Variants in WDFY4 observed in about 807,000 individuals in gnomAD.
The protein encoded by WDFY4 is WD repeat- and FYVE domain-containing protein 4.
In WDFY4, 169 loss-of-function variants were observed where a neutral mutation model predicts 351.9. That is an observed-to-expected ratio of 0.48 (90% CI 0.42 to 0.55). The LOEUF (loss-of-function observed/expected upper bound fraction) is 0.55, where lower values mean the gene tolerates loss of function less well. Among genes scored for constraint, WDFY4 ranks in the 20% least tolerant of loss-of-function variants. WDFY4 has a pLI of 0.00. For synonymous variants in WDFY4, 1,622 were observed against 1,574.6 expected (o/e 1.03, Z -0.71); for missense variants, 3,803 against 3,935.6 (o/e 0.97, Z 0.90).
Position 48,853,720 on chromosome 10 carries a change from C to T in WDFY4, c.6664-13545C>T, listed in dbSNP as rs148748791. Among the ~76,000 whole-genome samples, 29 of 152,362 alleles carry T rather than the reference C, an allele frequency of 1.9e-4. 1 individual carries two copies. The East Asian group carries it at 5.6e-3, about 29-fold the overall frequency. On this transcript the variant is annotated intron_variant, in intron 39 of 61. Coordinates refer to ENST00000325239, the MANE Select transcript of WDFY4 (RefSeq NM_001394531.1). ...CTCATTAAAGATTCAGCTAAAGCAA[C>T]ATCTCAACCTTCTGAACACTGGGTC...
At chr10:48,802,298 C>A (rs1038166009) in intron 24 of WDFY4, among the ~76,000 whole-genome samples, 1 of 152,152 alleles carries the variant, frequency 6.6e-6, no homozygotes, top group African/African-American at 2.4e-5. Context: ...ATTGCTTGAG[C>A]CCAGGAAGTC....
At chr10:48,959,868 G>A in intron 53 of WDFY4, 55 bp downstream of exon 53, 1 of 1,478,242 alleles carries the variant, frequency 6.8e-7, no homozygotes, top group Non-Finnish European at 9.2e-7. Context: ...ATCCCCTCAA[G>A]TTCCACCGAG....
Position 48,957,141 on chromosome 10 carries a change from G to A in WDFY4, c.7990G>A (p.Asp2664Asn), listed in dbSNP as rs754206260. The change falls in exon 52 of 62, where the codon GAC becomes AAC. Residue 2664 changes from aspartate to asparagine, a missense_variant. Physicochemically the swap from Asp to Asn is conservative, Grantham distance 23 (BLOSUM62 1). Coordinates refer to ENST00000325239, the MANE Select transcript of WDFY4 (RefSeq NM_001394531.1). ...CCATTTCCCCCAGGGCGGAAGCTTC[G>A]ACGTGGCAGACAGAATGTTCCACAG... ...AFCALQGGSF[D>N]VADRMFHSVK... is the part of the protein sequence containing the mutation. 12 of 1,549,928 alleles carry A rather than the reference G, an allele frequency of 7.7e-6. No individual in the cohort carries two copies. The highest frequency in any genetic ancestry group is 3.6e-5 in the South Asian group (3 of 84,028).
chr10:48,837,552 G>A (rs565687768), intron 39 of WDFY4, among the ~76,000 whole-genome samples: 5 of 152,154 alleles, frequency 3.3e-5, no homozygotes, highest in Admixed American at 6.5e-5. Flanking sequence ...AGTGAACAGC[G>A]ATAACACACA....
chr10:48,813,519 C>T (rs1230829270), intron 30 of WDFY4, among the ~76,000 whole-genome samples: 1 of 152,096 alleles, frequency 6.6e-6, no homozygotes, highest in African/African-American at 2.4e-5. Flanking sequence ...CCAAGAAGCT[C>T]AATAGCTTGC....
intron 29 of WDFY4, among the ~76,000 whole-genome samples, chr10:48,811,312 T>C (rs1046038091): frequency 7.2e-5 from 11 of 152,228 alleles, no homozygotes; most frequent in Non-Finnish European, 1.5e-4. Flanking sequence ...GCCTCCTACA[T>C]GGTGGGCAGC....
chr10:48,845,112 G>A (rs776130727), intron 39 of WDFY4, among the ~76,000 whole-genome samples: 11 of 152,224 alleles, frequency 7.2e-5, no homozygotes, highest in South Asian at 2.1e-4. Context: ...AGAGGCCCAT[G>A]TGGCTGGGCA....
At chr10:48,759,532 G>C (rs1377099446) in intron 12 of WDFY4, among the ~76,000 whole-genome samples, 2 of 152,178 alleles carry the variant, frequency 1.3e-5, no homozygotes, top group Non-Finnish European at 2.9e-5. Flanking sequence ...GAGAGTTTTA[G>C]AGTCTGCCTG....
intron 47 of WDFY4, chr10:48,914,038 T>C: frequency 6.2e-7 from 1 of 1,614,196 alleles, no homozygotes; most frequent in East Asian, 2.2e-5. Flanking sequence ...GGGAAGGTGG[T>C]AATTCCCATC....
intron 12 of WDFY4, chr10:48,745,553 T>C (rs2064983395): frequency 2.2e-6 from 1 of 453,590 alleles, no homozygotes; most frequent in South Asian, 2.0e-5. Context: ...TCATGGGTCT[T>C]GAGGGCCTCT....
chr10:48,722,010 G>C (rs1250097523), intron 4 of WDFY4, among the ~76,000 whole-genome samples: 2 of 152,144 alleles, frequency 1.3e-5, no homozygotes, highest in Non-Finnish European at 2.9e-5. Flanking sequence ...GGGAACCTGG[G>C]TGGCTGCTGC....
At chr10:48,823,859 T>C in intron 35 of WDFY4, 1 of 986,338 alleles carries the variant, frequency 1.0e-6, no homozygotes, top group African/African-American at 1.7e-5. Context: ...TTGAGACCCA[T>C]CTGAGGAGCA....
intron 47 of WDFY4, among the ~76,000 whole-genome samples, chr10:48,928,353 C>CGTGTGGGT (rs1839751920): frequency 8.0e-6 from 1 of 124,960 alleles, no homozygotes; most frequent in East Asian, 2.6e-4. Flanking sequence ...TTGGTTTTGA[C>CGTGTGGGT]GTGTGTGTGT....
chr10:48,965,500 G>GT (rs1159117753), intron 54 of WDFY4, among the ~76,000 whole-genome samples: 1 of 152,150 alleles, frequency 6.6e-6, no homozygotes, highest in African/African-American at 2.4e-5. Flanking sequence ...CGCCCACCCA[G>GT]TTTTTTTAAA....
chr10:48,952,714 G>T (rs990736812), intron 51 of WDFY4, among the ~76,000 whole-genome samples: 1 of 151,966 alleles, frequency 6.6e-6, no homozygotes, highest in African/African-American at 2.4e-5. Context: ...AGTCTTGACG[G>T]GTTCACTCAT....
intron 19 of WDFY4, among the ~76,000 whole-genome samples, chr10:48,785,849 CTTGT>C (rs2066388121): frequency 6.6e-6 from 1 of 152,182 alleles, no homozygotes; most frequent in Admixed American, 6.5e-5. Context: ...TTAGAATTAG[CTTGT>C]TTGTGTCTAC....
At chr10:48,927,902 A>G (rs61848099) in intron 47 of WDFY4, among the ~76,000 whole-genome samples, 5 of 152,166 alleles carry the variant, frequency 3.3e-5, no homozygotes, top group Non-Finnish European at 7.3e-5. Context: ...AAAATAAAAT[A>G]TTAAGATGAT....
chr10:48,899,295 G>GA (rs964229047), intron 45 of WDFY4, among the ~76,000 whole-genome samples: 4 of 152,136 alleles, frequency 2.6e-5, no homozygotes, highest in Non-Finnish European at 2.9e-5. Flanking sequence ...TCTATTTGTA[G>GA]AAAAAAATCC....
chr10:48,904,722 C>G (rs573117493), intron 47 of WDFY4, among the ~76,000 whole-genome samples: 1 of 152,208 alleles, frequency 6.6e-6, no homozygotes, highest in South Asian at 2.1e-4. Flanking sequence ...ACTTCCCAAA[C>G]TGTCATTTTC....
Sources: gnomAD v4.1 joint callset for allele counts (sites outside exome capture counted in the v4.1 genomes callset) on GRCh38, gnomAD v4.1.1 for gene constraint, MANE v1.5 for transcripts, NCBI Gene and HGNC (gene_info 2026-07-23, HGNC 2026-07-21) for gene names.